Variants in NNMT observed in about 807,000 individuals in gnomAD.
NNMT encodes nicotinamide N-methyltransferase.
A neutral mutation model predicts 11.7 loss-of-function variants in NNMT; 10 were observed. The observed-to-expected ratio is 0.85, with a 90% confidence interval of 0.53 to 1.45. NNMT has a LOEUF of 1.45. Ranked by LOEUF, NNMT falls within the 40% of genes most tolerant of loss-of-function variation. The pLI is 0.00. For missense variants in NNMT, 381 were observed against 319.4 expected (o/e 1.19, Z -1.47); for synonymous variants, 143 against 133.8 (o/e 1.07, Z -0.48).
intron 1 of NNMT, among the ~76,000 whole-genome samples, chr11:114,261,454 C>G (rs1330843565): frequency 6.6e-6 from 1 of 152,140 alleles, no homozygotes; most frequent in Non-Finnish European, 1.5e-5. Flanking sequence ...TGTGGTGGTG[C>G]ATGCCTGTAA....
rs183512298 is a variant in NNMT, at chr11:114,291,220, A to G, written c.-129-5208A>G. Among the ~76,000 whole-genome samples, 429 of 152,272 alleles carry G rather than the reference A, an allele frequency of 2.8e-3. 2 individuals are homozygous for G. Among genetic ancestry groups the G allele is most frequent in the African/African-American group, 9.8e-3 (408 of 41,538 alleles). On this transcript the variant is annotated intron_variant, in intron 2 of 4. Transcript: ENST00000535401. The stretch of plus-strand genomic sequence containing the variant: ...GTGTCAGTTCTTAATACATTCCTTC[A>G]TAGCTCCAACCCACCCTTCTGTACT...
intron 2 of NNMT, among the ~76,000 whole-genome samples, chr11:114,267,586 T>G (rs919850980): frequency 6.6e-6 from 1 of 152,170 alleles, no homozygotes; most frequent in African/African-American, 2.4e-5. Context: ...AAAAATAGAA[T>G]AATATGATCA....
At chr11:114,266,009 T>C (rs1945117071) in intron 2 of NNMT, among the ~76,000 whole-genome samples, 1 of 152,146 alleles carries the variant, frequency 6.6e-6, no homozygotes, top group African/African-American at 2.4e-5. Flanking sequence ...CCTTTAATGC[T>C]TGAAGCCTTT....
chr11:114,262,850 T>G (rs886689944), exon 2 of NNMT: 2 of 152,196 alleles, frequency 1.3e-5, no homozygotes, highest in Non-Finnish European at 2.9e-5. Flanking sequence ...CCGACCAGTG[T>G]GGTCTTCAGC....
At chr11:114,266,538 A>T (rs1464145095) in intron 2 of NNMT, among the ~76,000 whole-genome samples, 1 of 62,132 alleles carries the variant, frequency 1.6e-5, no homozygotes, top group African/African-American at 6.3e-5. Flanking sequence ...GCCCACCCCC[A>T]CCCCCAGTCC....
intron 1 of NNMT, among the ~76,000 whole-genome samples, chr11:114,262,548 A>G (rs538455371): frequency 2.0e-5 from 3 of 152,326 alleles, no homozygotes; most frequent in African/African-American, 7.2e-5. Flanking sequence ...TCTCAGAACC[A>G]GTTCACCAGC....
Position 114,312,271 on chromosome 11 carries a change from G to A in NNMT, c.589G>A (p.Asp197Asn), listed in dbSNP as rs1356332499. ...GCCAGGGGGCTTCCTGGTGATCATG[G>A]ATGCGCTCAAGAGCAGCTACTACAT... is the stretch of plus-strand genomic sequence containing the variant. The part of the protein sequence containing the change: ...LKPGGFLVIM[D>N]ALKSSYYMIG... Residue 197 changes from aspartate to asparagine, a missense_variant, in exon 3 of 3, where the codon GAT becomes AAT. By Grantham distance (23) the Asp-to-Asn change is conservative. Transcript: ENST00000299964. 2 of 1,614,222 alleles carry A rather than the reference G, an allele frequency of 1.2e-6. No individual in the cohort carries two copies. Among genetic ancestry groups the A allele is most frequent in the East Asian group, 2.2e-5 (1 of 44,878 alleles).
At chr11:114,260,552 G>A (rs745792503) in intron 1 of NNMT, among the ~76,000 whole-genome samples, 16 of 152,166 alleles carry the variant, frequency 1.1e-4, no homozygotes, top group African/African-American at 2.4e-4. Context: ...GAGGAGGCCC[G>A]CTCCGGGCTC....
chr11:114,261,570 G>A (rs537759482), intron 1 of NNMT, among the ~76,000 whole-genome samples: 91 of 151,966 alleles, frequency 6.0e-4, no homozygotes, highest in Non-Finnish European at 1.1e-3. Context: ...GGCGACAAGA[G>A]CGAAACTCCA....
At chr11:114,260,326 G>C (rs1404367498) in intron 1 of NNMT, among the ~76,000 whole-genome samples, 1 of 152,172 alleles carries the variant, frequency 6.6e-6, no homozygotes. Flanking sequence ...TCTACCCCTT[G>C]CCACGAGAAA....
At chr11:114,292,093 T>C (rs998075135), upstream of NNMT, among the ~76,000 whole-genome samples, 12 of 152,214 alleles carry the variant, frequency 7.9e-5, no homozygotes, top group Non-Finnish European at 1.0e-4. Context: ...TTTCTATTTC[T>C]CTTTTGCCCT....
intron 2 of NNMT, among the ~76,000 whole-genome samples, chr11:114,301,531 G>A (rs1945439176): frequency 2.0e-5 from 3 of 152,134 alleles, no homozygotes; most frequent in African/African-American, 2.4e-5. Context: ...AAGGCTACAT[G>A]TATGATTCCA....
intron 2 of NNMT, among the ~76,000 whole-genome samples, chr11:114,309,975 C>T (rs767368651): frequency 5.9e-5 from 9 of 152,128 alleles, no homozygotes; most frequent in Non-Finnish European, 1.3e-4. Flanking sequence ...CTTTTTGTTG[C>T]CAAATAATAT....
intron 2 of NNMT, among the ~76,000 whole-genome samples, chr11:114,276,005 G>A (rs541783460): frequency 2.6e-5 from 4 of 152,238 alleles, no homozygotes; most frequent in South Asian, 2.1e-4. Flanking sequence ...TAAGGAAAGC[G>A]ACTCAAATGT....
At chr11:114,302,538 C>T (rs1268809531) in intron 2 of NNMT, among the ~76,000 whole-genome samples, 3 of 151,632 alleles carry the variant, frequency 2.0e-5, no homozygotes, top group Non-Finnish European at 4.4e-5. Flanking sequence ...ATTAGTTTTG[C>T]TTTAGTTAGT....
intron 2 of NNMT, among the ~76,000 whole-genome samples, chr11:114,268,208 T>C (rs1488231120): frequency 7.2e-5 from 11 of 151,876 alleles, no homozygotes; most frequent in Admixed American, 7.2e-4. Flanking sequence ...AGCTACAAGA[T>C]CAACAGTGAC....
At chr11:114,274,504 C>T (rs565404893) in intron 2 of NNMT, among the ~76,000 whole-genome samples, 11 of 152,316 alleles carry the variant, frequency 7.2e-5, no homozygotes, top group East Asian at 1.9e-4. Context: ...GCAAGGAGTT[C>T]GGTGTTTGTT....
chr11:114,272,046 A>G (rs1158027458), intron 2 of NNMT, among the ~76,000 whole-genome samples: 4 of 152,080 alleles, frequency 2.6e-5, no homozygotes, highest in Non-Finnish European at 4.4e-5. Flanking sequence ...TGGCTGTTCA[A>G]TTCTTCACCT....
At chr11:114,273,523 T>G (rs892527733) in intron 2 of NNMT, among the ~76,000 whole-genome samples, 2 of 152,150 alleles carry the variant, frequency 1.3e-5, no homozygotes, top group African/African-American at 2.4e-5. Context: ...CAAGCAAGAT[T>G]CTTAGAACAC....
Sources: gnomAD v4.1 joint callset for allele counts (sites outside exome capture counted in the v4.1 genomes callset) on GRCh38, gnomAD v4.1.1 for gene constraint, MANE v1.5 for transcripts, NCBI Gene and HGNC (gene_info 2026-07-23, HGNC 2026-07-21) for gene names.